Variants in NFIC observed in about 807,000 individuals in gnomAD.
The protein encoded by NFIC is nuclear factor I C, also known as nuclear factor 1 C-type.
In NFIC, 12 loss-of-function variants were observed where a neutral mutation model predicts 54.4. The observed-to-expected ratio is 0.22, with a 90% CI of 0.14 to 0.36. The LOEUF (loss-of-function observed/expected upper bound fraction) is 0.36. Among genes scored for constraint, NFIC ranks in the 10% least tolerant of loss-of-function variants. The probability of loss-of-function intolerance (pLI) is 1.00; values close to 1 mark genes in which losing one functional copy is unlikely to be tolerated. For missense variants in NFIC, 575 were observed against 718.2 expected, an observed-to-expected ratio of 0.80 and a Z score of 2.28; for synonymous variants, 322 against 319.2, an observed-to-expected ratio of 1.01 and a Z score of -0.09.
chr19:3,461,837 C>T (rs567040124), intron 10 of NFIC, among the ~76,000 whole-genome samples: 1 of 151,920 alleles, frequency 6.6e-6, no homozygotes, highest in South Asian at 2.1e-4. Context: ...GGGCGGATCA[C>T]GAGGTCAAGA....
At position 3,459,640 on chromosome 19, in the gene NFIC, G is replaced by T. The variant is rs921664714; in HGVS notation, c.1509+3005G>T. The stretch of plus-strand genomic sequence containing the variant: ...ACCCCACCCCCGCCCCATTGCTGGG[G>T]CCACAGCCAGGCAGGAAGGGGAGGG... On this transcript the variant is annotated intron_variant, in intron 10 of 10. Transcript: ENST00000443272. This position sits in a 1 kb window ranked among gnomAD's most constrained non-coding sequence, Gnocchi z 4.2. Among the ~76,000 whole-genome samples the T allele has an allele frequency of 1.2e-4, 18 of 152,216 alleles. No homozygotes were observed. The highest frequency in any genetic ancestry group is 5.2e-4 in the Admixed American group (8 of 15,288).
intron 1 of NFIC, among the ~76,000 whole-genome samples, chr19:3,360,037 G>A (rs2145407414): frequency 6.7e-6 from 1 of 149,118 alleles, no homozygotes; most frequent in South Asian, 2.1e-4. Flanking sequence ...GCGGGAGGGC[G>A]CGGCCCTGGG....
rs865868814 is a variant in NFIC, at chr19:3,465,174, A to G, written c.*2405A>G. 31 of 144,456 alleles carry G rather than the reference A, an allele frequency of 2.1e-4. No individual in the cohort carries two copies. Among genetic ancestry groups the G allele is most frequent in the African/African-American group, 6.9e-4 (27 of 39,170 alleles). The allele number at this position is 144,456 out of a possible 1,614,324, so 8.9% of individuals were successfully genotyped here. On this transcript the variant is annotated 3_prime_UTR_variant, in exon 11 of 11. Coordinates refer to ENST00000443272, the MANE Select transcript of NFIC (RefSeq NM_001245002.2). Reference sequence around the variant, plus strand: ...TTTAAAAAAAAAAAAAAAAAAAAAAAGATACAAGAAAAACCTTTAAAAAAA... The same window carrying G: ...TTTAAAAAAAAAAAAAAAAAAAAAAGGATACAAGAAAAACCTTTAAAAAAA...
intron 2 of NFIC, among the ~76,000 whole-genome samples, chr19:3,383,833 C>A (rs2081250942): frequency 1.3e-5 from 2 of 152,334 alleles, no homozygotes; most frequent in African/African-American, 2.4e-5. Context: ...TTTGCCCGAA[C>A]AGGAGGACCC....
intron 6 of NFIC, among the ~76,000 whole-genome samples, chr19:3,447,006 A>G (rs768679598): frequency 9.2e-5 from 14 of 152,160 alleles, no homozygotes; most frequent in Admixed American, 2.0e-4. Context: ...AGCCTGGGTG[A>G]CAAATAACTC....
chr19:3,381,899 C>T lies in NFIC; in HGVS notation c.218C>T (p.Ala73Val). Residue 73 changes from alanine (A) to valine (V), a missense_variant, in exon 2 of 11, where the codon GCG becomes GTG. Physicochemically the swap from Ala to Val is moderately conservative, Grantham distance 64. Transcript: ENST00000443272. ...GEKPEVKQKWASRLLAKLRKD... is the reference protein window; with the variant it reads ...GEKPEVKQKWVSRLLAKLRKD... ...AAGCCCGAGGTCAAGCAGAAGTGGG[C>T]GTCGCGGCTGCTGGCCAAGCTGCGC... The T allele has an allele frequency of 6.2e-7, 1 of 1,613,860 alleles. No homozygotes were observed. The highest frequency in any genetic ancestry group is 8.5e-7 in the Non-Finnish European group (1 of 1,179,944).
At position 3,468,526 on chromosome 19, in the gene NFIC, A is replaced by C. The variant is rs930090196; in HGVS notation, c.*5757A>C. Reference sequence around the variant, plus strand: ...GCCCTGAGCATTCTCACACAGAGAAAGAACAAGCAAGGGCTCCAGGGGGAC... The same window carrying C: ...GCCCTGAGCATTCTCACACAGAGAACGAACAAGCAAGGGCTCCAGGGGGAC... On this transcript the variant is annotated 3_prime_UTR_variant, in exon 11 of 11. Coordinates refer to ENST00000443272, the MANE Select transcript of NFIC (RefSeq NM_001245002.2). 6.6e-6 allele frequency: 1 copy of C among 152,176 alleles called. No homozygotes were observed. Among genetic ancestry groups the C allele is most frequent in the Non-Finnish European group, 1.5e-5 (1 of 68,046 alleles). The allele number at this position is 152,176 out of a possible 1,614,324, so 9.4% of individuals were successfully genotyped here. A position where few individuals can be genotyped will look rare whatever the true frequency, so the allele number is the denominator to read the frequency against.
intron 2 of NFIC, among the ~76,000 whole-genome samples, chr19:3,400,638 C>G (rs1306640772): frequency 6.6e-6 from 1 of 152,116 alleles, no homozygotes; most frequent in Non-Finnish European, 1.5e-5. Flanking sequence ...GTCAGGAGTT[C>G]AAGACCAGCC....
intron 2 of NFIC, among the ~76,000 whole-genome samples, chr19:3,405,720 C>T (rs917940193): frequency 1.9e-4 from 29 of 151,700 alleles, no homozygotes; most frequent in African/African-American, 7.0e-4. Context: ...CTGTCTCAGC[C>T]TCTTGAGTAA....
At chr19:3,363,397 G>A (rs758302116), upstream of NFIC, among the ~76,000 whole-genome samples, 9 of 149,244 alleles carry the variant, frequency 6.0e-5, no homozygotes, top group Non-Finnish European at 1.2e-4. Flanking sequence ...TCAGCCTCCC[G>A]AGTAGCTGAC....
At chr19:3,447,335 G>T (rs2082388431) in intron 6 of NFIC, among the ~76,000 whole-genome samples, 1 of 150,968 alleles carries the variant, frequency 6.6e-6, no homozygotes, top group Admixed American at 6.6e-5. Flanking sequence ...GCCCCAGAAG[G>T]CCAGGCATTT....
upstream of NFIC, among the ~76,000 whole-genome samples, chr19:3,361,858 A>G (rs908111202): frequency 2.0e-5 from 3 of 151,770 alleles, no homozygotes; most frequent in Non-Finnish European, 4.4e-5. Flanking sequence ...ACACACACAC[A>G]CACACGACAC....
chr19:3,427,317 G>A (rs774907262), intron 3 of NFIC, among the ~76,000 whole-genome samples: 1 of 152,170 alleles, frequency 6.6e-6, no homozygotes, highest in Non-Finnish European at 1.5e-5. Flanking sequence ...GTGACTGCAC[G>A]GGTGTCTGCT....
At chr19:3,376,155 C>G (rs868512642) in intron 1 of NFIC, among the ~76,000 whole-genome samples, 1 of 152,124 alleles carries the variant, frequency 6.6e-6, no homozygotes. Context: ...GCAGCAATCG[C>G]GTCCATAGTA....
chr19:3,394,606 G>T (rs1335678804), intron 2 of NFIC, among the ~76,000 whole-genome samples: 1 of 143,804 alleles, frequency 7.0e-6, no homozygotes, highest in East Asian at 2.0e-4. Context: ...AGGGGCTGCT[G>T]TATTGGGCAG....
chr19:3,463,775 G>T lies in NFIC; in HGVS notation c.*1006G>T, dbSNP rs574834453. On this transcript the variant is annotated 3_prime_UTR_variant, in exon 11 of 11. Coordinates refer to ENST00000443272, the MANE Select transcript of NFIC (RefSeq NM_001245002.2). ...GACACCCAGAGCTCCCCGAGTTGGG[G>T]GTGCCCGTCTGGAGCGCCCCCGTCA... is the stretch of plus-strand genomic sequence containing the variant. The T allele has an allele frequency of 5.7e-5, 56 of 985,450 alleles. No homozygotes were observed. In the African/African-American group the frequency reaches 9.2e-4, roughly 16 times the overall value. The allele number at this position is 985,450 out of a possible 1,614,324, so 61.0% of individuals were successfully genotyped here.
intron 2 of NFIC, among the ~76,000 whole-genome samples, chr19:3,417,127 C>G (rs12972785): frequency 6.7e-5 from 10 of 149,960 alleles, no homozygotes; most frequent in African/African-American, 2.2e-4. Context: ...CCTCGTGATC[C>G]GCCCGCCTTG....
At chr19:3,456,448 G>A (rs968139869) in intron 9 of NFIC, 102 bp from the exon 10 acceptor site, 2 of 1,141,656 alleles carry the variant, frequency 1.8e-6, no homozygotes, top group Admixed American at 2.1e-5. Flanking sequence ...GCAGAGGCCC[G>A]GCTGTGTGAC....
At chr19:3,363,227 A>ATGTGTGTGTGTGTGTGCG (rs1236874934), upstream of NFIC, among the ~76,000 whole-genome samples, 2 of 45,164 alleles carry the variant, frequency 4.4e-5, no homozygotes, top group Non-Finnish European at 9.0e-5. Context: ...ATGTATATGT[A>ATGTGTGTGTGTGTGTGCG]TGTGTATGTG....
Sources: allele counts gnomAD v4.1 joint callset (sites outside exome capture counted in the v4.1 genomes callset), GRCh38; gene constraint gnomAD v4.1.1; non-coding constraint Gnocchi (gnomAD v3.1); transcripts MANE v1.5; gene names NCBI Gene and HGNC (gene_info 2026-07-23, HGNC 2026-07-21).